Variants in FARP1 observed in about 807,000 individuals in gnomAD.
FARP1 encodes FERM, ARHGEF and pleckstrin domain-containing protein 1.
Under a neutral mutation model 128.8 loss-of-function variants are expected in FARP1, and 52 were observed. That is an observed-to-expected ratio of 0.40 (90% CI 0.32 to 0.51). FARP1 has a LOEUF of 0.51. Ranked by LOEUF, FARP1 falls within the 20% of genes least tolerant of loss-of-function variation. The pLI, the probability that FARP1 is intolerant of heterozygous loss-of-function variation, is 0.45. For synonymous variants in FARP1, 580 were observed against 551.8 expected (o/e 1.05, Z -0.72); for missense variants, 1,333 against 1,367.9 (o/e 0.97, Z 0.40).
intron 17 of FARP1, among the ~76,000 whole-genome samples, chr13:98,429,018 C>G (rs2139037265): frequency 6.6e-6 from 1 of 152,228 alleles, no homozygotes; most frequent in East Asian, 1.9e-4. Flanking sequence ...TGATATTGTA[C>G]TCTAGTTTTG....
intron 21 of FARP1, 128 bp downstream of exon 21, chr13:98,439,324 T>C (rs1341825660): frequency 3.0e-6 from 2 of 660,426 alleles, no homozygotes; most frequent in African/African-American, 1.8e-5. Context: ...GGCATCTTGG[T>C]TACAAGACAT....
chr13:98,262,628 A>G (rs1423388485), intron 2 of FARP1, among the ~76,000 whole-genome samples: 1 of 152,218 alleles, frequency 6.6e-6, no homozygotes, highest in African/African-American at 2.4e-5. Context: ...TTTTGTGTTT[A>G]TTGGAATACC....
chr13:98,146,124 A>C (rs943936298), intron 1 of FARP1, among the ~76,000 whole-genome samples: 6 of 152,210 alleles, frequency 3.9e-5, no homozygotes, highest in Admixed American at 3.9e-4. Flanking sequence ...TACTAGAGAA[A>C]GGATAAAAGG....
intron 2 of FARP1, among the ~76,000 whole-genome samples, chr13:98,311,567 G>T (rs1477636459): frequency 7.9e-6 from 1 of 126,284 alleles, no homozygotes; most frequent in Non-Finnish European, 1.8e-5. Context: ...GTGTGTGCAT[G>T]TGCGTGTGTG....
intron 1 of FARP1, among the ~76,000 whole-genome samples, chr13:98,205,336 T>C (rs1217472843): frequency 6.6e-6 from 1 of 152,186 alleles, no homozygotes; most frequent in Non-Finnish European, 1.5e-5. Flanking sequence ...TTTTGTTTCT[T>C]TAGGGATACC....
At chr13:98,229,420 G>A (rs34836948) in intron 2 of FARP1, among the ~76,000 whole-genome samples, 9,141 of 152,038 alleles carry the variant, frequency 0.06, 625 homozygotes, top group East Asian at 0.22. Flanking sequence ...ACAACATGAG[G>A]CCTCTGAGTA....
chr13:98,213,654 A>T (rs1376040947), intron 2 of FARP1, among the ~76,000 whole-genome samples: 1 of 152,160 alleles, frequency 6.6e-6, no homozygotes, highest in African/African-American at 2.4e-5. Flanking sequence ...CTTGAATTTT[A>T]CTATGAACTT....
chr13:98,274,653 T>A (rs1298642679), intron 2 of FARP1, among the ~76,000 whole-genome samples: 6 of 152,148 alleles, frequency 3.9e-5, no homozygotes, highest in African/African-American at 1.4e-4. Context: ...CCTAATAATT[T>A]ACTTTCTGAA....
intron 24 of FARP1, among the ~76,000 whole-genome samples, chr13:98,442,394 C>T (rs944556419): frequency 2.0e-5 from 3 of 152,314 alleles, no homozygotes; most frequent in Non-Finnish European, 4.4e-5. Context: ...TGCTACAAGC[C>T]GCTTGTTTCT....
rs188061377 is a variant in FARP1, at chr13:98,454,392, G to A, written c.*6075G>A. 7.9e-5 allele frequency: 12 copies of A among 152,302 alleles called. No homozygotes were observed. The East Asian group carries it at 2.3e-3, about 29-fold the overall frequency. The allele number at this position is 152,302 out of a possible 1,614,324, so 9.4% of individuals were successfully genotyped here. A position where few individuals can be genotyped will look rare whatever the true frequency, so the allele number is the denominator to read the frequency against. On this transcript the variant is annotated 3_prime_UTR_variant, in exon 27 of 27. Coordinates refer to ENST00000319562, the MANE Select transcript of FARP1 (RefSeq NM_005766.4). ...AGGTCCAGGAGAGATGGCTGAGGAT[G>A]TCTTTGACCAGGCTTATCTCAAACG...
intron 2 of FARP1, among the ~76,000 whole-genome samples, chr13:98,336,834 A>T (rs1219225505): frequency 6.6e-6 from 1 of 152,234 alleles, no homozygotes; most frequent in African/African-American, 2.4e-5. Flanking sequence ...TGCCTTTTAG[A>T]GCATCATTAA....
intron 2 of FARP1, among the ~76,000 whole-genome samples, chr13:98,307,735 T>A (rs2095597929): frequency 6.6e-6 from 1 of 152,188 alleles, no homozygotes; most frequent in Non-Finnish European, 1.5e-5. Flanking sequence ...TTGCAATTAC[T>A]AACTGGAAAT....
intron 10 of FARP1, 74 bp downstream of exon 10, chr13:98,390,194 C>T: frequency 6.7e-7 from 1 of 1,496,534 alleles, no homozygotes; most frequent in Non-Finnish European, 9.1e-7. Context: ...CGCTGTGACA[C>T]ACAGCAGGTC....
At position 98,339,200 on chromosome 13, in the gene FARP1, ATAGTT is replaced by A. The variant is rs1887863063; in HGVS notation, c.172-4561_172-4557del. Among the ~76,000 whole-genome samples the A allele has an allele frequency of 2.0e-5, 3 of 152,346 alleles. No individual in the cohort carries two copies. In the South Asian group the frequency reaches 6.2e-4, roughly 32 times the overall value. On this transcript the variant is annotated intron_variant, in intron 2 of 26. Coordinates refer to ENST00000319562, the MANE Select transcript of FARP1 (RefSeq NM_005766.4). Reference sequence around the variant, plus strand: ...TGTAGAAAGGAGGTTTACTTGACTCATAGTTCCACAGCCTCTTCAGGAAGCATGGC... The same window carrying A: ...TGTAGAAAGGAGGTTTACTTGACTCACCACAGCCTCTTCAGGAAGCATGGC...
chr13:98,385,737 C>A lies in FARP1; in HGVS notation c.682C>A (p.Arg228=), dbSNP rs748761560. The A allele has an allele frequency of 1.9e-6, 3 of 1,614,076 alleles. No homozygotes were observed. In the African/African-American group the frequency reaches 4.0e-5, roughly 22 times the overall value. The part of the protein sequence containing the change: ...IARRLEMYGI[R]LHPAKDREGT... ...CCGTCGGCTAGAGATGTATGGAATC[C>A]GGTTGCACCCGGCCAAGGACAGGGA... is the stretch of plus-strand genomic sequence containing the variant. Residue 228 remains arginine, a synonymous_variant, in exon 8 of 27, where the codon CGG becomes AGG. Coordinates refer to ENST00000319562, the MANE Select transcript of FARP1 (RefSeq NM_005766.4).
intron 5 of FARP1, among the ~76,000 whole-genome samples, chr13:98,377,194 C>T (rs1159305425): frequency 4.6e-5 from 7 of 151,374 alleles, no homozygotes; most frequent in South Asian, 2.1e-4. Context: ...CCCAGCTACT[C>T]GGGAGGCTGA....
Position 98,377,861 on chromosome 13 carries a change from G to T in FARP1, c.439G>T (p.Gly147Cys). Residue 147 changes from glycine (G) to cysteine (C), a missense_variant, in exon 6 of 27, where the codon GGC becomes TGC. Physicochemically the swap from Gly to Cys is radical, Grantham distance 159. Around this residue, in one of 2 missense-constraint regions of FARP1, gnomAD observed 324 missense variants for 398.1 expected, o/e 0.81. Transcript: ENST00000319562. ...ALQVKQDLAQGRLTCNDTSAA... is the reference protein window; with the variant it reads ...ALQVKQDLAQCRLTCNDTSAA... Reference sequence around the variant, plus strand: ...GCAGGTGAAGCAGGACTTGGCTCAAGGCAGGTTGACGTGTAATGACACCAG... The same window carrying T: ...GCAGGTGAAGCAGGACTTGGCTCAATGCAGGTTGACGTGTAATGACACCAG... 1.2e-6 allele frequency: 2 copies of T among 1,614,084 alleles called. No individual in the cohort carries two copies. The highest frequency in any genetic ancestry group is 2.2e-5 in the South Asian group (2 of 91,072).
rs1035477356 is a variant in FARP1 at position 98,245,072 on chromosome 13, C to T, written c.171+31659C>T. The stretch of plus-strand genomic sequence containing the variant: ...TATTGCTAGTGCAGAAGTTAAAAAC[C>T]ATCTTCCTTTCCTGAGTGGTCTCTT... On this transcript the variant is annotated intron_variant, in intron 2 of 26. Transcript: ENST00000319562. 3 of 1,023,922 alleles carry T rather than the reference C, an allele frequency of 2.9e-6. No individual in the cohort carries two copies. The African/African-American group carries it at 5.1e-5, about 18-fold the overall frequency. 63.4% of individuals were successfully genotyped at this position (1,023,922 alleles called of 1,614,324 possible).
Position 98,222,449 on chromosome 13 carries a change from C to G in FARP1, c.171+9036C>G, listed in dbSNP as rs570020732. ...GATTAGTCTCACAGGGCATAAGTGA[C>G]TTGGCGCGGGTCAGAGTGCTGGAGA... On this transcript the variant is annotated intron_variant, in intron 2 of 26. Transcript: ENST00000319562. Among the ~76,000 whole-genome samples, 4 of 152,234 alleles carry G rather than the reference C, an allele frequency of 2.6e-5. No homozygotes were observed. In the East Asian group the frequency reaches 7.7e-4, roughly 29 times the overall value.
Sources: allele counts gnomAD v4.1 joint callset (sites outside exome capture counted in the v4.1 genomes callset), GRCh38; gene constraint gnomAD v4.1.1; regional missense constraint gnomAD v4.1.1; transcripts MANE v1.5; gene names NCBI Gene and HGNC (gene_info 2026-07-23, HGNC 2026-07-21).